Variants in ESRRG observed in about 807,000 individuals in gnomAD.
ESRRG encodes the protein estrogen-related receptor gamma.
ESRRG carries 13 observed loss-of-function variants against 44.0 expected under a neutral mutation model. That is an observed-to-expected ratio of 0.30 (90% CI 0.19 to 0.47). The LOEUF is 0.47. Ranked by LOEUF, ESRRG falls within the 20% of genes least tolerant of loss-of-function variation. The pLI, the probability that ESRRG is intolerant of heterozygous loss-of-function variation, is 1.00. For missense variants in ESRRG, 395 were observed against 580.6 expected, an observed-to-expected ratio of 0.68 and a Z score of 3.29; for synonymous variants, 215 against 214.6, an observed-to-expected ratio of 1.00 and a Z score of -0.02.
chr1:216,645,568 A>G (rs981643271), intron 3 of ESRRG, among the ~76,000 whole-genome samples: 4 of 152,022 alleles, frequency 2.6e-5, no homozygotes, highest in Non-Finnish European at 4.4e-5. Flanking sequence ...ACGAGAAATC[A>G]AAATTAAAAA....
intron 2 of ESRRG, among the ~76,000 whole-genome samples, chr1:216,764,034 A>G (rs980143619): frequency 6.6e-6 from 1 of 152,158 alleles, no homozygotes; most frequent in Non-Finnish European, 1.5e-5. Context: ...CTTACAAGGT[A>G]TGATACTTCT....
intron 5 of ESRRG, among the ~76,000 whole-genome samples, chr1:216,535,033 T>C (rs938841743): frequency 3.3e-5 from 5 of 151,968 alleles, no homozygotes; most frequent in African/African-American, 4.8e-5. Flanking sequence ...GAGTGTGGGG[T>C]TGATGACTGA....
Position 216,723,187 on chromosome 1 carries a change from G to A in ESRRG, c.56+57C>T, listed in dbSNP as rs1340641344. 17 of 1,412,866 alleles carry A rather than the reference G, an allele frequency of 1.2e-5. No homozygotes were observed. The East Asian group carries it at 3.7e-4, about 30-fold the overall frequency. 87.5% of individuals were successfully genotyped at this position (1,412,866 alleles called of 1,614,324 possible). On this transcript the variant is annotated intron_variant, in intron 1 of 6. Transcript: ENST00000408911. ...CAGTGTGTAAAGATATAGTCTGTCC[G>A]CCCCCACCCCCGCACCCCCACGACG...
At chr1:216,882,674 C>T (rs1388785239) in intron 2 of ESRRG, among the ~76,000 whole-genome samples, 1 of 152,052 alleles carries the variant, frequency 6.6e-6, no homozygotes. Flanking sequence ...AACTTAATAT[C>T]AATGCAGAAA....
At chr1:216,729,951 A>G (rs1449342180) in intron 2 of ESRRG, among the ~76,000 whole-genome samples, 1 of 152,120 alleles carries the variant, frequency 6.6e-6, no homozygotes, top group African/African-American at 2.4e-5. Flanking sequence ...GGCAATGGGG[A>G]ATTACAGGCT....
chr1:216,983,072 T>G lies in ESRRG; in HGVS notation c.-105-43399A>C, dbSNP rs150192264. Among the ~76,000 whole-genome samples the G allele has an allele frequency of 8.6e-5, 13 of 150,522 alleles. No homozygotes were observed. The East Asian group carries it at 2.4e-3, about 28-fold the overall frequency. On this transcript the variant is annotated intron_variant, in intron 1 of 7. Coordinates refer to the ESRRG transcript ENST00000359162. Reference sequence around the variant, plus strand: ...TTTTTTAACTGTCTAAGCCTAAACTTTCTTATCTGTAAAGTGGGAATGCTA... The same window carrying G: ...TTTTTTAACTGTCTAAGCCTAAACTGTCTTATCTGTAAAGTGGGAATGCTA...
At chr1:217,056,775 A>G (rs554575537) in intron 1 of ESRRG, among the ~76,000 whole-genome samples, 1 of 151,518 alleles carries the variant, frequency 6.6e-6, no homozygotes, top group Admixed American at 6.6e-5. Flanking sequence ...TAGGAGACAA[A>G]GTTTCCTCTT....
chr1:216,557,423 C>A (rs1043034734), intron 5 of ESRRG, among the ~76,000 whole-genome samples: 2 of 151,942 alleles, frequency 1.3e-5, no homozygotes, highest in Admixed American at 6.6e-5. Flanking sequence ...TGTTAAAAAA[C>A]CAAACCAAAC....
intron 2 of ESRRG, among the ~76,000 whole-genome samples, chr1:216,882,007 C>T (rs139561085): frequency 5.3e-5 from 8 of 151,042 alleles, no homozygotes; most frequent in African/African-American, 2.0e-4. Context: ...TAGGCTTGGA[C>T]TTGACCTCTA....
intron 2 of ESRRG, among the ~76,000 whole-genome samples, chr1:216,887,295 A>G (rs1477097487): frequency 6.6e-6 from 1 of 152,168 alleles, no homozygotes; most frequent in African/African-American, 2.4e-5. Context: ...ACTTTCCTGG[A>G]ATTGCCAAAT....
chr1:216,525,038 C>T (rs2047219553), intron 5 of ESRRG, among the ~76,000 whole-genome samples: 1 of 152,190 alleles, frequency 6.6e-6, no homozygotes, highest in African/African-American at 2.4e-5. Flanking sequence ...AAATTGAAAA[C>T]ATGCCCCCAT....
chr1:216,589,340 T>A (rs952485425), intron 3 of ESRRG, among the ~76,000 whole-genome samples: 3 of 152,166 alleles, frequency 2.0e-5, no homozygotes, highest in Non-Finnish European at 4.4e-5. Context: ...ATTCATAAAA[T>A]TTCTTAAAAC....
At chr1:216,945,986 A>T (rs1411825332) in intron 1 of ESRRG, among the ~76,000 whole-genome samples, 1 of 152,202 alleles carries the variant, frequency 6.6e-6, no homozygotes, top group East Asian at 1.9e-4. Context: ...ACTTTTCACC[A>T]TCATAAGGAA....
At chr1:217,075,077 T>C (rs894728391) in intron 1 of ESRRG, among the ~76,000 whole-genome samples, 16 of 152,150 alleles carry the variant, frequency 1.1e-4, no homozygotes, top group African/African-American at 3.9e-4. Context: ...ACACGAAAAG[T>C]CAGCCCTCTG....
At chr1:216,769,814 A>G (rs2093303332) in intron 2 of ESRRG, among the ~76,000 whole-genome samples, 1 of 152,160 alleles carries the variant, frequency 6.6e-6, no homozygotes, top group African/African-American at 2.4e-5. Context: ...GGACATCTGA[A>G]TTGAGATTGT....
rs72397494 is a variant in ESRRG, at chr1:216,640,488, GGA to G, written c.589+10483_589+10484del. ...GTGGCTCCTCAACCTACTAAGTGAG[GGA>G]GAGAGAGAGAGAGAGAGAGAGAGAG... is the stretch of plus-strand genomic sequence containing the variant. On this transcript the variant is annotated intron_variant, in intron 3 of 6. Coordinates refer to ENST00000408911, the MANE Select transcript of ESRRG (RefSeq NM_001438.4). Among the ~76,000 whole-genome samples the G allele has an allele frequency of 3.7e-3, 537 of 146,920 alleles. 5 individuals are homozygous for G. Among genetic ancestry groups the G allele is most frequent in the South Asian group, 0.013 (58 of 4,578 alleles).
intron 2 of ESRRG, among the ~76,000 whole-genome samples, chr1:216,921,542 T>C (rs2149717475): frequency 6.6e-6 from 1 of 152,250 alleles, no homozygotes; most frequent in East Asian, 1.9e-4. Flanking sequence ...TGACAGCCTC[T>C]GCACTTCTTC....
At chr1:216,984,640 A>C (rs2074565351) in intron 1 of ESRRG, among the ~76,000 whole-genome samples, 1 of 152,214 alleles carries the variant, frequency 6.6e-6, no homozygotes, top group Non-Finnish European at 1.5e-5. Flanking sequence ...ACATTGCTGA[A>C]ATCTCTAGGC....
intron 1 of ESRRG, among the ~76,000 whole-genome samples, chr1:217,026,132 C>T (rs1427158088): frequency 6.6e-6 from 1 of 152,172 alleles, no homozygotes; most frequent in Non-Finnish European, 1.5e-5. Context: ...CTGAGCCCCA[C>T]ACAACTTTCT....
Sources: allele counts gnomAD v4.1 joint callset (sites outside exome capture counted in the v4.1 genomes callset), GRCh38; gene constraint gnomAD v4.1.1; transcripts MANE v1.5; gene names NCBI Gene and HGNC (gene_info 2026-07-23, HGNC 2026-07-21).